The following NTM variants were observed in gnomAD, a reference collection of about 807,000 sequenced individuals.
The protein encoded by NTM is IgLON family member 2.
NTM carries 13 observed loss-of-function variants against 42.1 expected under a neutral mutation model. The observed-to-expected ratio is 0.31, with a 90% CI of 0.20 to 0.49. The LOEUF (loss-of-function observed/expected upper bound fraction) is 0.49. Ranked by LOEUF, NTM falls within the 20% of genes least tolerant of loss-of-function variation. The pLI is 0.99. For synonymous variants in NTM, 187 were observed against 179.2 expected (o/e 1.04, Z -0.35); for missense variants, 373 against 452.8 (o/e 0.82, Z 1.60).
At chr11:131,788,997 G>A (rs578051646) in intron 1 of NTM, among the ~76,000 whole-genome samples, 4 of 152,082 alleles carry the variant, frequency 2.6e-5, no homozygotes, top group African/African-American at 7.2e-5. Flanking sequence ...CTGTTCTTGA[G>A]TGTTTCCTTC....
chr11:132,277,603 A>G (rs541889513), intron 4 of NTM, among the ~76,000 whole-genome samples: 1 of 152,350 alleles, frequency 6.6e-6, no homozygotes, highest in South Asian at 2.1e-4. Context: ...ACCAATCAGT[A>G]TAAGGGATTA....
At chr11:131,831,459 C>T (rs1340952726) in intron 1 of NTM, among the ~76,000 whole-genome samples, 1 of 152,058 alleles carries the variant, frequency 6.6e-6, no homozygotes, top group African/African-American at 2.4e-5. Context: ...AGAATCTTAG[C>T]CTATGCCGTC....
chr11:131,757,178 C>T (rs937853068), intron 1 of NTM, among the ~76,000 whole-genome samples: 3 of 152,334 alleles, frequency 2.0e-5, no homozygotes, highest in Middle Eastern at 3.4e-3. Context: ...AGGCCCAGTG[C>T]AGTGACTCCA....
chr11:131,701,836 G>T (rs2076104109), intron 1 of NTM, among the ~76,000 whole-genome samples: 1 of 152,098 alleles, frequency 6.6e-6, no homozygotes, highest in African/African-American at 2.4e-5. Flanking sequence ...GGGGTGGAGG[G>T]GTAGATGTGT....
intron 1 of NTM, among the ~76,000 whole-genome samples, chr11:131,832,048 T>C (rs1250699955): frequency 2.0e-5 from 3 of 150,836 alleles, no homozygotes; most frequent in African/African-American, 7.3e-5. Flanking sequence ...AGTGGAAGCT[T>C]TTTCTGCATA....
At chr11:132,004,441 A>C (rs919083385) in intron 2 of NTM, among the ~76,000 whole-genome samples, 1 of 152,104 alleles carries the variant, frequency 6.6e-6, no homozygotes, top group Non-Finnish European at 1.5e-5. Flanking sequence ...TCATCTTTGA[A>C]AGATCTCTCT....
At chr11:132,062,204 C>T (rs1272453818) in intron 2 of NTM, among the ~76,000 whole-genome samples, 1 of 152,106 alleles carries the variant, frequency 6.6e-6, no homozygotes, top group Non-Finnish European at 1.5e-5. Context: ...AAACCTGCCT[C>T]AAAGATGTTC....
intron 1 of NTM, among the ~76,000 whole-genome samples, chr11:131,562,546 G>A (rs145494921): frequency 1.3e-5 from 2 of 152,008 alleles, no homozygotes; most frequent in African/African-American, 2.4e-5. Context: ...AAGGAGGCCC[G>A]GCAGAGACCA....
chr11:132,053,139 T>C (rs1390465765), intron 2 of NTM, among the ~76,000 whole-genome samples: 2 of 152,230 alleles, frequency 1.3e-5, no homozygotes, highest in African/African-American at 2.4e-5. Context: ...TGATTCAGCA[T>C]AATGCTTGCA....
intron 1 of NTM, chr11:131,582,428 C>T (rs1004981147): frequency 3.9e-5 from 6 of 152,124 alleles, no homozygotes; most frequent in Non-Finnish European, 7.3e-5. Flanking sequence ...GCAGTTGCCG[C>T]GCTTCCAAAT....
chr11:131,958,063 C>T (rs149582247), intron 2 of NTM, among the ~76,000 whole-genome samples: 1,545 of 152,276 alleles, frequency 0.01, 13 homozygotes, highest in Non-Finnish European at 0.015. Context: ...TTAAAGAGCG[C>T]CTAGATGCCG....
At chr11:131,465,379 A>G (rs1356525035) in intron 1 of NTM, among the ~76,000 whole-genome samples, 2 of 152,096 alleles carry the variant, frequency 1.3e-5, no homozygotes, top group Non-Finnish European at 2.9e-5. Context: ...TCTGAATCAC[A>G]CTACAATCTG....
intron 2 of NTM, among the ~76,000 whole-genome samples, chr11:131,939,267 A>G (rs2059548773): frequency 6.6e-6 from 1 of 152,106 alleles, no homozygotes; most frequent in Admixed American, 6.5e-5. Flanking sequence ...ATACAAGAGA[A>G]TGAAATATTT....
chr11:131,971,344 C>T (rs1216357883), intron 2 of NTM, among the ~76,000 whole-genome samples: 1 of 151,992 alleles, frequency 6.6e-6, no homozygotes, highest in African/African-American at 2.4e-5. Flanking sequence ...AATTTGTGTG[C>T]TTTCTCGGCT....
intron 2 of NTM, among the ~76,000 whole-genome samples, chr11:131,952,944 A>T (rs2134380584): frequency 6.6e-6 from 1 of 152,314 alleles, no homozygotes; most frequent in Admixed American, 6.5e-5. Context: ...TGCTGTTGTT[A>T]TTCTGATCTT....
chr11:132,317,721 T>TCCCCTTCCCTCTATCCCAGAGGC, intron 7 of NTM: 1 of 1,278,620 alleles, frequency 7.8e-7, no homozygotes, highest in Non-Finnish European at 1.0e-6. Context: ...ATGTTTTGTC[T>TCCCCTTCCCTCTATCCCAGAGGC]CCCCTTCCCT....
intron 2 of NTM, among the ~76,000 whole-genome samples, chr11:132,098,192 G>A (rs2061244034): frequency 6.6e-6 from 1 of 152,182 alleles, no homozygotes; most frequent in Non-Finnish European, 1.5e-5. Flanking sequence ...AATTAAAAGT[G>A]ATAATGCCTG....
chr11:132,114,915 A>T (rs1166894774), intron 2 of NTM, among the ~76,000 whole-genome samples: 1 of 152,224 alleles, frequency 6.6e-6, no homozygotes, highest in Non-Finnish European at 1.5e-5. Flanking sequence ...CATGGGAGTG[A>T]GGACAATCCT....
intron 1 of NTM, among the ~76,000 whole-genome samples, chr11:131,616,515 G>A (rs2061950723): frequency 6.6e-6 from 1 of 152,146 alleles, no homozygotes; most frequent in Non-Finnish European, 1.5e-5. Flanking sequence ...TCTGTCACTG[G>A]CTCAGGGAAA....
Sources: gnomAD v4.1 joint callset for allele counts (sites outside exome capture counted in the v4.1 genomes callset) on GRCh38, gnomAD v4.1.1 for gene constraint, MANE v1.5 for transcripts, NCBI Gene and HGNC (gene_info 2026-07-23, HGNC 2026-07-21) for gene names.